DYNC2I1: variants seen among roughly 807,000 people sequenced by gnomAD.
The protein encoded by DYNC2I1 is dynein 2 intermediate chain 1.
A neutral mutation model predicts 133.4 loss-of-function variants in DYNC2I1; 89 were observed. The observed-to-expected ratio is 0.67, with a 90% confidence interval of 0.56 to 0.80. The LOEUF is 0.80. DYNC2I1 is among the 30% of genes least tolerant of loss of function. The pLI is 0.00. For missense variants in DYNC2I1, 1,291 were observed against 1,314.5 expected, an observed-to-expected ratio of 0.98 and a Z score of 0.28; for synonymous variants, 504 against 484.3, an observed-to-expected ratio of 1.04 and a Z score of -0.54.
upstream of DYNC2I1, among the ~76,000 whole-genome samples, chr7:158,852,226 A>G (rs1039453391): frequency 6.6e-6 from 1 of 151,678 alleles, no homozygotes; most frequent in Middle Eastern, 3.2e-3. Context: ...GTTTCAAGCG[A>G]TTCTCCTGCC....
rs1842543483 is a variant in DYNC2I1 at position 158,867,857 on chromosome 7, G to C, written c.16-1998G>C. Among the ~76,000 whole-genome samples, 3 of 152,318 alleles carry C rather than the reference G, an allele frequency of 2.0e-5. No homozygotes were observed. In the South Asian group the frequency reaches 6.2e-4, roughly 32 times the overall value. On this transcript the variant is annotated intron_variant, in intron 1 of 24. Transcript: ENST00000407559. ...GAAGCTCTGGAAGGGACCCTGAGCA[G>C]GAAGGCGCACAGCTGGGCCTCCACC... is the stretch of plus-strand genomic sequence containing the variant.
At chr7:158,894,467 C>T (rs1410747866) in intron 8 of DYNC2I1, among the ~76,000 whole-genome samples, 1 of 152,182 alleles carries the variant, frequency 6.6e-6, no homozygotes. Context: ...TCCAGATTGG[C>T]TTCTTTCATT....
intron 3 of DYNC2I1, among the ~76,000 whole-genome samples, chr7:158,872,619 T>C (rs1411308754): frequency 6.6e-6 from 1 of 151,818 alleles, no homozygotes; most frequent in East Asian, 1.9e-4. Context: ...AGAGCGAGAC[T>C]CTGTCTCTAA....
intron 14 of DYNC2I1, among the ~76,000 whole-genome samples, chr7:158,916,189 G>T (rs376382355): frequency 1.2e-5 from 1 of 83,230 alleles, no homozygotes; most frequent in East Asian, 2.5e-4. Flanking sequence ...CACGCTGGTT[G>T]ACATTAAGGA....
At chr7:158,942,226 T>A in intron 24 of DYNC2I1, 78 bp downstream of exon 24, 1 of 1,175,598 alleles carries the variant, frequency 8.5e-7, no homozygotes, top group Non-Finnish European at 1.2e-6. Flanking sequence ...TCTTTCTTCA[T>A]TAATTTTTGC....
intron 8 of DYNC2I1, among the ~76,000 whole-genome samples, chr7:158,897,512 A>G (rs1392662508): frequency 1.3e-5 from 2 of 152,182 alleles, no homozygotes; most frequent in Non-Finnish European, 2.9e-5. Context: ...TTACTAAGTT[A>G]TCAAATTTAT....
chr7:158,935,911 C>T (rs1205097545), intron 23 of DYNC2I1, among the ~76,000 whole-genome samples: 1 of 152,140 alleles, frequency 6.6e-6, no homozygotes. Flanking sequence ...ACTAAAAATA[C>T]AAAGTTATCT....
At position 158,875,878 on chromosome 7, in the gene DYNC2I1, G is replaced by A. The variant is rs542808663; in HGVS notation, c.491-731G>A. Among the ~76,000 whole-genome samples, 12 of 152,286 alleles carry A rather than the reference G, an allele frequency of 7.9e-5. No homozygotes were observed. The East Asian group carries it at 1.2e-3, about 15-fold the overall frequency. On this transcript the variant is annotated intron_variant, in intron 3 of 24. Transcript: ENST00000407559. ...TGTTCAGACTAAGCCCTGCTTCTGC[G>A]TGATATGCAGAAACCCTGAAGGCTG...
chr7:158,949,780 T>A (rs1283090153), downstream of DYNC2I1, among the ~76,000 whole-genome samples: 3 of 151,878 alleles, frequency 2.0e-5, no homozygotes, highest in South Asian at 6.2e-4. Flanking sequence ...TTTCCTTTTT[T>A]TTTTTTTTCA....
At chr7:158,943,620 C>T (rs1273775725) in intron 24 of DYNC2I1, among the ~76,000 whole-genome samples, 9 of 152,236 alleles carry the variant, frequency 5.9e-5, no homozygotes, top group South Asian at 2.1e-4. Context: ...GCTGCTGTGG[C>T]GGGGACCGGA....
chr7:158,849,625 G>A, the DYNC2I1 span, among the ~76,000 whole-genome samples: 2 of 152,226 alleles, frequency 1.3e-5, no homozygotes, highest in East Asian at 1.9e-4. Context: ...TCACAGCGAG[G>A]AGGCCCTGGA....
At chr7:158,894,155 CGTACATCATAATGCATGTCACA>C (rs1845547876) in intron 8 of DYNC2I1, among the ~76,000 whole-genome samples, 6 of 152,054 alleles carry the variant, frequency 3.9e-5, no homozygotes, top group Admixed American at 2.6e-4. Flanking sequence ...TACCACATAT[CGTACATCATAATGCATGTCACA>C]CTACGTATCA....
At position 158,946,043 on chromosome 7, in the gene DYNC2I1, C is replaced by G. The variant is rs942022960; in HGVS notation, c.*264C>G. The G allele has an allele frequency of 2.3e-5, 7 of 310,916 alleles. 1 individual carries two copies. Among genetic ancestry groups the G allele is most frequent in the Non-Finnish European group, 4.1e-5 (7 of 171,536 alleles). The allele number at this position is 310,916 out of a possible 1,614,324, so 19.3% of individuals were successfully genotyped here. ...AGGGTGCTCTTTTCTGAGAGTATTT[C>G]GAGTTATTTTTAGAACAGTTTAAAT... is the stretch of plus-strand genomic sequence containing the variant. On this transcript the variant is annotated 3_prime_UTR_variant, in exon 25 of 25. Coordinates refer to ENST00000407559, the MANE Select transcript of DYNC2I1 (RefSeq NM_018051.5).
In DYNC2I1 at chr7:158,906,085, A is replaced by C. The variant is rs1410654082; in HGVS notation, c.1454A>C (p.Lys485Thr). The change falls in exon 11 of 25, where the codon AAG becomes ACG. Residue 485 changes from lysine to threonine, a missense_variant. Lys to Thr is a moderately conservative substitution (Grantham distance 78, BLOSUM62 -1). Transcript: ENST00000407559. Reference sequence around the variant, plus strand: ...CAAAAGAGTCGGACTCAGGCCCTTAAGCAAAAGTAGGTGTATTGGGAAAGC... The same window carrying C: ...CAAAAGAGTCGGACTCAGGCCCTTACGCAAAAGTAGGTGTATTGGGAAAGC... ...HRQKSRTQAL[K>T]QKMRSTKLLR... is the part of the protein sequence containing the mutation. The C allele has an allele frequency of 6.2e-7, 1 of 1,613,296 alleles. No individual in the cohort carries two copies. Among genetic ancestry groups the C allele is most frequent in the East Asian group, 2.2e-5 (1 of 44,896 alleles).
At chr7:158,910,228 A>G (rs907935405) in intron 11 of DYNC2I1, among the ~76,000 whole-genome samples, 32 of 152,272 alleles carry the variant, frequency 2.1e-4, no homozygotes, top group African/African-American at 7.0e-4. Context: ...CTGTTTGTGA[A>G]GCAAGAGGAA....
chr7:158,907,106 T>C (rs4909282), intron 11 of DYNC2I1, among the ~76,000 whole-genome samples: 63,813 of 150,928 alleles, frequency 0.42, 14,369 homozygotes, highest in East Asian at 0.7. Context: ...TGCACTGAGC[T>C]GTGGCTGCAC....
intron 4 of DYNC2I1, among the ~76,000 whole-genome samples, chr7:158,956,232 A>G (rs767190385): frequency 7.2e-5 from 11 of 152,196 alleles, no homozygotes; most frequent in Non-Finnish European, 1.5e-4. Flanking sequence ...CACAAGGCTA[A>G]AATCCGCATA....
chr7:158,865,118 G>A (rs1379464301), intron 1 of DYNC2I1, among the ~76,000 whole-genome samples: 1 of 152,228 alleles, frequency 6.6e-6, no homozygotes, highest in African/African-American at 2.4e-5. Context: ...GGTGGGGTTT[G>A]CTTTCCATCT....
At chr7:158,930,822 C>T (rs1166282911) in intron 21 of DYNC2I1, among the ~76,000 whole-genome samples, 2 of 152,112 alleles carry the variant, frequency 1.3e-5, no homozygotes, top group Admixed American at 6.6e-5. Context: ...CGCCTGCCAC[C>T]GTGCCCGGCT....
Sources: gnomAD v4.1 joint callset for allele counts (sites outside exome capture counted in the v4.1 genomes callset) on GRCh38, gnomAD v4.1.1 for gene constraint, MANE v1.5 for transcripts, NCBI Gene and HGNC (gene_info 2026-07-23, HGNC 2026-07-21) for gene names.